Variants in LINGO2 observed in about 807,000 individuals in gnomAD.
LINGO2 encodes the protein leucine rich repeat and Ig domain containing 2.
LINGO2 carries 14 observed loss-of-function variants against 30.6 expected under a neutral mutation model. The ratio of observed to expected loss-of-function variants is 0.46; its 90% CI spans 0.30 to 0.72. The LOEUF (loss-of-function observed/expected upper bound fraction) is 0.72, where lower values mean the gene tolerates loss of function less well. Ranked by LOEUF, LINGO2 falls within the 30% of genes least tolerant of loss-of-function variation. The pLI, the probability that LINGO2 is intolerant of heterozygous loss-of-function variation, is 0.07. For missense variants in LINGO2, 729 were observed against 751.7 expected (o/e 0.97, Z 0.35); for synonymous variants, 317 against 288.5 (o/e 1.10, Z -1.00).
chr9:28,011,477 GT>G (rs1342111073), intron 5 of LINGO2, among the ~76,000 whole-genome samples: 2 of 152,192 alleles, frequency 1.3e-5, no homozygotes, highest in African/African-American at 4.8e-5. Flanking sequence ...TTTAAGGACA[GT>G]AAGCAATTTG....
chr9:28,349,773 G>A (rs1298608137), intron 3 of LINGO2, among the ~76,000 whole-genome samples: 1 of 151,176 alleles, frequency 6.6e-6, no homozygotes, highest in Non-Finnish European at 1.5e-5. Context: ...CCCTCAAAGG[G>A]AAGCCCATCA....
intron 2 of LINGO2, among the ~76,000 whole-genome samples, chr9:28,445,062 T>C (rs1824368567): frequency 6.6e-6 from 1 of 152,162 alleles, no homozygotes; most frequent in Non-Finnish European, 1.5e-5. Context: ...TTAGCCAAAG[T>C]CACAGAGCTA....
At chr9:28,340,696 G>A (rs921199291) in intron 3 of LINGO2, among the ~76,000 whole-genome samples, 1 of 152,058 alleles carries the variant, frequency 6.6e-6, no homozygotes, top group Non-Finnish European at 1.5e-5. Context: ...TCTTAGTAGT[G>A]CAAAGCAATT....
At chr9:28,080,313 T>A (rs182266353) in intron 4 of LINGO2, among the ~76,000 whole-genome samples, 1 of 151,816 alleles carries the variant, frequency 6.6e-6, no homozygotes, top group Non-Finnish European at 1.5e-5. Context: ...TCTGGTGGAG[T>A]TTTTCCAGCT....
chr9:28,687,506 T>C, the LINGO2 span, among the ~76,000 whole-genome samples: 9 of 152,094 alleles, frequency 5.9e-5, no homozygotes, highest in African/African-American at 1.9e-4. Context: ...AGCTGTCCTA[T>C]AATATGTCTT....
At chr9:28,883,787 C>T in the LINGO2 span, among the ~76,000 whole-genome samples, 68 of 150,098 alleles carry the variant, frequency 4.5e-4, no homozygotes, top group Middle Eastern at 3.6e-3. Context: ...AAGCAATTCT[C>T]CTGCCTCAGC....
intron 4 of LINGO2, among the ~76,000 whole-genome samples, chr9:28,290,838 G>T (rs536082159): frequency 6.6e-6 from 1 of 152,266 alleles, no homozygotes; most frequent in South Asian, 2.1e-4. Flanking sequence ...TTTAAGATCA[G>T]AAGGGTCAAT....
At chr9:28,418,744 C>T (rs755327709) in intron 2 of LINGO2, among the ~76,000 whole-genome samples, 3 of 151,978 alleles carry the variant, frequency 2.0e-5, no homozygotes, top group Admixed American at 6.6e-5. Flanking sequence ...GCTGCAGCCT[C>T]TTGATTATAA....
At chr9:29,019,971 C>A in the LINGO2 span, among the ~76,000 whole-genome samples, 1 of 151,998 alleles carries the variant, frequency 6.6e-6, no homozygotes, top group South Asian at 2.1e-4. Context: ...AAAGAATTTG[C>A]AATTTCAGCA....
the LINGO2 span, among the ~76,000 whole-genome samples, chr9:29,162,515 T>C: frequency 1.3e-5 from 2 of 152,118 alleles, no homozygotes; most frequent in African/African-American, 4.8e-5. Flanking sequence ...ACAGTATATG[T>C]TCATCAAATG....
intron 3 of LINGO2, among the ~76,000 whole-genome samples, chr9:28,325,178 T>C (rs1250489201): frequency 2.7e-5 from 4 of 146,150 alleles, no homozygotes; most frequent in Non-Finnish European, 4.7e-5. Flanking sequence ...TTCCTGATTA[T>C]AGGCCCCTGA....
chr9:28,009,987 G>GA lies in LINGO2; in HGVS notation c.-36+2367dup, dbSNP rs201880779. Among the ~76,000 whole-genome samples the GA allele has an allele frequency of 4.7e-3, 715 of 152,218 alleles. 8 individuals carry two copies. Among genetic ancestry groups the GA allele is most frequent in the African/African-American group, 0.016 (678 of 41,544 alleles). ...AACTTCCAAATGTCCATAAACTGAT[G>GA]AACGGATAAATAAAATGTGTTATCC... On this transcript the variant is annotated intron_variant, in intron 5 of 5. Transcript: ENST00000379992.
rs548987977 is a variant in LINGO2, at chr9:28,255,228, A to G, written c.-87+39980T>C. ...CTCTCTCTTTCTTTTTGGTCTTAACATTATTCCTAGCACACTTAAAATTAT... is the reference window on the plus strand; with the variant it reads ...CTCTCTCTTTCTTTTTGGTCTTAACGTTATTCCTAGCACACTTAAAATTAT... On this transcript the variant is annotated intron_variant, in intron 4 of 5. Coordinates refer to ENST00000379992, the Ensembl canonical transcript of LINGO2. Among the ~76,000 whole-genome samples, 134 of 151,478 alleles carry G rather than the reference A, an allele frequency of 8.8e-4. 1 individual carries two copies. The highest frequency in any genetic ancestry group is 3.1e-3 in the African/African-American group (128 of 41,268).
intron 4 of LINGO2, among the ~76,000 whole-genome samples, chr9:28,150,622 A>G (rs1827972303): frequency 6.6e-6 from 1 of 152,206 alleles, no homozygotes; most frequent in African/African-American, 2.4e-5. Flanking sequence ...GTCTTTTGGG[A>G]CAGGAGGAAC....
At chr9:29,068,910 G>A in the LINGO2 span, among the ~76,000 whole-genome samples, 2 of 151,702 alleles carry the variant, frequency 1.3e-5, no homozygotes, top group East Asian at 3.9e-4. Flanking sequence ...AACTAACAGG[G>A]TAATATATGT....
chr9:27,980,022 G>A (rs548585001), intron 5 of LINGO2, among the ~76,000 whole-genome samples: 4 of 151,918 alleles, frequency 2.6e-5, no homozygotes, highest in East Asian at 1.9e-4. Context: ...CATGTGAAGG[G>A]GACAGGACTT....
chr9:29,008,442 A>T, the LINGO2 span, among the ~76,000 whole-genome samples: 1 of 152,200 alleles, frequency 6.6e-6, no homozygotes, highest in Non-Finnish European at 1.5e-5. Context: ...GTATATACCC[A>T]GTAATGGGAT....
chr9:28,593,142 G>A (rs939800733), intron 1 of LINGO2, among the ~76,000 whole-genome samples: 32 of 152,086 alleles, frequency 2.1e-4, no homozygotes, highest in African/African-American at 7.2e-4. Context: ...CAAGAAGTCA[G>A]TTGATTCGAA....
the LINGO2 span, among the ~76,000 whole-genome samples, chr9:28,810,728 G>A: frequency 6.6e-6 from 1 of 152,086 alleles, no homozygotes; most frequent in Non-Finnish European, 1.5e-5. Context: ...CTATCACCAT[G>A]TTATAAATAT....
Sources: gnomAD v4.1 joint callset for allele counts (sites outside exome capture counted in the v4.1 genomes callset) on GRCh38, gnomAD v4.1.1 for gene constraint, MANE v1.5 for transcripts, NCBI Gene and HGNC (gene_info 2026-07-23, HGNC 2026-07-21) for gene names.